The following SPOCK3 variants were observed in gnomAD, a reference collection of about 807,000 sequenced individuals.
SPOCK3 encodes SPARC (osteonectin), cwcv and kazal like domains proteoglycan 3.
A neutral mutation model predicts 56.6 loss-of-function variants in SPOCK3; 30 were observed. The ratio of observed to expected loss-of-function variants is 0.53; its 90% confidence interval spans 0.40 to 0.72. The LOEUF is 0.72. Among genes scored for constraint, SPOCK3 ranks in the 30% least tolerant of loss-of-function variants. The probability of loss-of-function intolerance (pLI) is 0.00; values close to 1 mark genes in which losing one functional copy is unlikely to be tolerated. For synonymous variants in SPOCK3, 196 were observed against 183.3 expected, an observed-to-expected ratio of 1.07 and a Z score of -0.56; for missense variants, 527 against 530.0, an observed-to-expected ratio of 0.99 and a Z score of 0.06.
intron 6 of SPOCK3, among the ~76,000 whole-genome samples, chr4:166,885,556 C>T (rs1184669908): frequency 6.6e-6 from 1 of 151,962 alleles, no homozygotes; most frequent in Non-Finnish European, 1.5e-5. Flanking sequence ...TGAAGGTGCC[C>T]AAGGCCTTTA....
chr4:166,912,046 A>T (rs1209748699), intron 5 of SPOCK3, among the ~76,000 whole-genome samples: 1 of 152,146 alleles, frequency 6.6e-6, no homozygotes. Context: ...GTTTGTAAAA[A>T]TCCCAAAATA....
chr4:166,905,280 A>C (rs981468277), intron 5 of SPOCK3, among the ~76,000 whole-genome samples: 6 of 151,938 alleles, frequency 3.9e-5, no homozygotes, highest in Non-Finnish European at 8.8e-5. Context: ...TGTTCTACAT[A>C]GTTTAGGATT....
chr4:167,234,513 C>A, upstream of SPOCK3: 1 of 310,996 alleles, frequency 3.2e-6, no homozygotes, highest in Non-Finnish European at 6.0e-6. Context: ...TCTGCCAACT[C>A]GCTGCTTTCT....
chr4:166,771,794 C>T (rs1579182218), intron 7 of SPOCK3, among the ~76,000 whole-genome samples: 2 of 151,968 alleles, frequency 1.3e-5, no homozygotes, highest in Admixed American at 1.3e-4. Context: ...TTGACAAAAA[C>T]AGTACTTAAT....
chr4:166,890,546 C>T (rs774764987), intron 5 of SPOCK3, among the ~76,000 whole-genome samples: 6 of 152,014 alleles, frequency 3.9e-5, no homozygotes, highest in African/African-American at 9.6e-5. Flanking sequence ...TTTAGTTTTA[C>T]TTATATCTGG....
chr4:166,907,155 A>G lies in SPOCK3; in HGVS notation c.474+5465T>C, dbSNP rs899267644. ...TCCCATATTGCAAGATCAAAACACA[A>G]GTTATTGTAAATGGTAGACAAAAAT... On this transcript the variant is annotated intron_variant, in intron 5 of 10. Coordinates refer to ENST00000357545, the MANE Select transcript of SPOCK3 (RefSeq NM_001040159.2). 2.6e-5 allele frequency among the ~76,000 whole-genome samples: 4 copies of G among 152,118 alleles called. No individual in the cohort carries two copies. The South Asian group carries it at 6.2e-4, about 24-fold the overall frequency.
chr4:167,225,351 A>C (rs1293468213), intron 2 of SPOCK3, among the ~76,000 whole-genome samples: 2 of 152,108 alleles, frequency 1.3e-5, no homozygotes, highest in Non-Finnish European at 2.9e-5. Context: ...TTCCTCGATA[A>C]AGGAAACAGC....
chr4:167,164,283 A>C (rs760921902), intron 2 of SPOCK3, among the ~76,000 whole-genome samples: 2 of 152,124 alleles, frequency 1.3e-5, no homozygotes, highest in African/African-American at 4.8e-5. Flanking sequence ...TACCATAATC[A>C]TGTGAGGTTT....
At chr4:166,970,362 A>T (rs757690800) in intron 4 of SPOCK3, among the ~76,000 whole-genome samples, 15 of 152,202 alleles carry the variant, frequency 9.9e-5, no homozygotes, top group Non-Finnish European at 8.8e-5. Flanking sequence ...TGTGACTCTA[A>T]CATCAATGTA....
At chr4:166,994,113 G>A (rs1748101589) in intron 4 of SPOCK3, among the ~76,000 whole-genome samples, 1 of 152,018 alleles carries the variant, frequency 6.6e-6, no homozygotes, top group Admixed American at 6.6e-5. Context: ...GAAGAACAAA[G>A]GAACAAGTGG....
At chr4:167,185,685 TG>T (rs145819074) in intron 2 of SPOCK3, among the ~76,000 whole-genome samples, 7,987 of 152,240 alleles carry the variant, frequency 0.052, 234 homozygotes, top group Admixed American at 0.079. Context: ...CCAGAAAGAC[TG>T]GAGTTCACTA....
At chr4:167,018,950 G>T (rs1750909938) in intron 3 of SPOCK3, among the ~76,000 whole-genome samples, 1 of 151,990 alleles carries the variant, frequency 6.6e-6, no homozygotes, top group Non-Finnish European at 1.5e-5. Context: ...ATCACCACTA[G>T]TTCTCAAGTC....
chr4:166,846,127 T>C (rs1176044358), intron 6 of SPOCK3, among the ~76,000 whole-genome samples: 1 of 152,210 alleles, frequency 6.6e-6, no homozygotes, highest in East Asian at 1.9e-4. Context: ...AGCTCCATTA[T>C]AATCTATGAG....
In SPOCK3 at chr4:166,733,694, A is replaced by AACTT. The variant is rs1579060116; in HGVS notation, c.*1223_*1226dup. The AACTT allele has an allele frequency of 1.3e-5, 2 of 152,288 alleles. No individual in the cohort carries two copies. The highest frequency in any genetic ancestry group is 4.8e-5 in the African/African-American group (2 of 41,432). The allele number at this position is 152,288 out of a possible 1,614,324, so 9.4% of individuals were successfully genotyped here. On this transcript the variant is annotated 3_prime_UTR_variant, in exon 11 of 11. Coordinates refer to ENST00000357545, the MANE Select transcript of SPOCK3 (RefSeq NM_001040159.2). ...TGTCTACACAATTAATTAACATGCT[A>AACTT]ACTTAAATACAGCGGTTAAAGTAAT...
chr4:167,092,546 T>C (rs1758795032), intron 2 of SPOCK3, among the ~76,000 whole-genome samples: 1 of 152,208 alleles, frequency 6.6e-6, no homozygotes, highest in Non-Finnish European at 1.5e-5. Context: ...TTTAGGTAAC[T>C]CTACATTCTT....
At chr4:166,793,263 CATTAT>C (rs1315769444) in intron 6 of SPOCK3, among the ~76,000 whole-genome samples, 11 of 151,976 alleles carry the variant, frequency 7.2e-5, no homozygotes, top group African/African-American at 2.2e-4. Flanking sequence ...ATACCATATA[CATTAT>C]ATTATATGTA....
intron 2 of SPOCK3, among the ~76,000 whole-genome samples, chr4:167,127,814 G>C (rs768885814): frequency 3.3e-5 from 5 of 152,194 alleles, no homozygotes; most frequent in Non-Finnish European, 5.9e-5. Flanking sequence ...ATCTGAAAAA[G>C]TTGAGAAGAA....
chr4:166,994,660 A>C (rs1054308391), intron 4 of SPOCK3, among the ~76,000 whole-genome samples: 1 of 152,168 alleles, frequency 6.6e-6, no homozygotes, highest in Non-Finnish European at 1.5e-5. Flanking sequence ...GTACTTCAAA[A>C]ATAAAGTCAA....
chr4:167,223,169 A>C (rs1736220976), intron 2 of SPOCK3, among the ~76,000 whole-genome samples: 1 of 127,802 alleles, frequency 7.8e-6, no homozygotes, highest in African/African-American at 3.1e-5. Context: ...TTATATATGA[A>C]TATATAATAT....
Sources: allele counts gnomAD v4.1 joint callset (sites outside exome capture counted in the v4.1 genomes callset), GRCh38; gene constraint gnomAD v4.1.1; transcripts MANE v1.5; gene names NCBI Gene and HGNC (gene_info 2026-07-23, HGNC 2026-07-21).